C1QTNF3: variants seen among roughly 807,000 people sequenced by gnomAD.
The protein encoded by C1QTNF3 is complement C1q tumor necrosis factor-related protein 3.
C1QTNF3 carries 26 observed loss-of-function variants against 32.6 expected under a neutral mutation model. The ratio of observed to expected loss-of-function variants is 0.80; its 90% CI spans 0.58 to 1.11. The LOEUF (loss-of-function observed/expected upper bound fraction) is 1.11, where lower values mean the gene tolerates loss of function less well. Among genes scored for constraint, C1QTNF3 ranks in the 50% least tolerant of loss-of-function variants. The probability of loss-of-function intolerance (pLI) is 0.00; values close to 1 mark genes in which losing one functional copy is unlikely to be tolerated. For missense variants in C1QTNF3, 362 were observed against 398.2 expected (o/e 0.91, Z 0.77); for synonymous variants, 155 against 146.0 (o/e 1.06, Z -0.44).
At chr5:34,120,973 C>G in the C1QTNF3 span, among the ~76,000 whole-genome samples, 1 of 152,194 alleles carries the variant, frequency 6.6e-6, no homozygotes, top group African/African-American at 2.4e-5. Flanking sequence ...AAATCCTTGT[C>G]TCCCCTCAAT....
At chr5:34,220,709 T>C in the C1QTNF3 span, among the ~76,000 whole-genome samples, 35 of 152,108 alleles carry the variant, frequency 2.3e-4, no homozygotes, top group African/African-American at 8.2e-4. Context: ...CCAATAAATA[T>C]ATATGATGTT....
chr5:34,178,151 C>T, the C1QTNF3 span, among the ~76,000 whole-genome samples: 1 of 145,556 alleles, frequency 6.9e-6, no homozygotes, highest in Non-Finnish European at 1.5e-5. Flanking sequence ...CATGGTGGTG[C>T]ATGCCTGTAA....
chr5:34,057,602 T>A, the C1QTNF3 span, among the ~76,000 whole-genome samples: 1 of 152,238 alleles, frequency 6.6e-6, no homozygotes, highest in Non-Finnish European at 1.5e-5. Context: ...TCAAAAAATA[T>A]GGACCTTTCA....
the C1QTNF3 span, among the ~76,000 whole-genome samples, chr5:34,223,263 T>C: frequency 1.3e-5 from 2 of 149,752 alleles, no homozygotes; most frequent in Non-Finnish European, 3.0e-5. Flanking sequence ...AGTGAGAACA[T>C]GCAGTCTTAG....
At chr5:34,025,252 A>C (rs1754432002) in intron 4 of C1QTNF3, among the ~76,000 whole-genome samples, 1 of 152,224 alleles carries the variant, frequency 6.6e-6, no homozygotes, top group South Asian at 2.1e-4. Flanking sequence ...ACATTTTACA[A>C]AATTTCCTAT....
chr5:34,020,675 C>T lies in C1QTNF3; in HGVS notation c.868G>A (p.Glu290Lys). Residue 290 changes from glutamate (E) to lysine (K), a missense_variant, in exon 6 of 6, where the codon GAG (glutamate) becomes AAG (lysine). Glu to Lys is a moderately conservative substitution (Grantham distance 56, BLOSUM62 1). Coordinates refer to ENST00000382065, the MANE Select transcript of C1QTNF3 (RefSeq NM_181435.6). ...CCATTGCCCATTCGCAGCCAAACCT[C>T]ATCCCCTTTGGCTAGCTTCAGCACA... ...HAVLKLAKGDEVWLRMGNGAL... is the reference protein window; with the variant it reads ...HAVLKLAKGDKVWLRMGNGAL... The T allele has an allele frequency of 6.2e-7, 1 of 1,614,198 alleles. No homozygotes were observed. Among genetic ancestry groups the T allele is most frequent in the Non-Finnish European group, 8.5e-7 (1 of 1,180,014 alleles).
At chr5:34,181,839 A>G in the C1QTNF3 span, among the ~76,000 whole-genome samples, 3,334 of 131,778 alleles carry the variant, frequency 0.025, no homozygotes, top group South Asian at 0.063. Context: ...AGCAGCAATC[A>G]GAGGCTCTGC....
chr5:34,056,475 TATATAGAGAGAGAGAGAGAGAG>T, the C1QTNF3 span, among the ~76,000 whole-genome samples: 5 of 101,262 alleles, frequency 4.9e-5, no homozygotes, highest in African/African-American at 2.0e-4. Context: ...TATATATATA[TATATAGAGAGAGAGAGAGAGAG>T]AGAGAGAGAG....
chr5:34,088,843 T>G, the C1QTNF3 span, among the ~76,000 whole-genome samples: 84 of 152,252 alleles, frequency 5.5e-4, no homozygotes, highest in African/African-American at 1.9e-3. Flanking sequence ...TTTCTTCATA[T>G]ACTAAATGTA....
chr5:34,164,329 G>A, the C1QTNF3 span, among the ~76,000 whole-genome samples: 1 of 152,112 alleles, frequency 6.6e-6, no homozygotes, highest in Non-Finnish European at 1.5e-5. Context: ...CAATAATGTG[G>A]CTCTTCCTAC....
the C1QTNF3 span, among the ~76,000 whole-genome samples, chr5:34,157,583 G>C: frequency 6.6e-6 from 1 of 152,276 alleles, no homozygotes; most frequent in African/African-American, 2.4e-5. Context: ...TAGTCCATGG[G>C]TTCTTAAAAG....
chr5:34,033,326 G>A lies in C1QTNF3; in HGVS notation c.548C>T (p.Pro183Leu), dbSNP rs772400068. Residue 183 changes from proline to leucine, a missense_variant, in exon 3 of 6, where the codon CCG becomes CTG. Pro to Leu is a moderately conservative substitution (Grantham distance 98). Coordinates refer to ENST00000382065, the MANE Select transcript of C1QTNF3 (RefSeq NM_181435.6). ...QHGPKGEKGYPGIPPELQIAF... is the reference protein window; with the variant it reads ...QHGPKGEKGYLGIPPELQIAF... ...TACCTGAAGTTCTGGTGGAATCCCCGGGTAGCCCTTCTCTCCTTTGGGGCC... is the reference window on the plus strand; with the variant it reads ...TACCTGAAGTTCTGGTGGAATCCCCAGGTAGCCCTTCTCTCCTTTGGGGCC... 15 of 1,613,616 alleles carry A rather than the reference G, an allele frequency of 9.3e-6. No individual in the cohort carries two copies. Among genetic ancestry groups the A allele is most frequent in the Middle Eastern group, 1.7e-4 (1 of 6,056 alleles).
At chr5:34,139,695 T>C in the C1QTNF3 span, among the ~76,000 whole-genome samples, 1 of 152,096 alleles carries the variant, frequency 6.6e-6, no homozygotes, top group Non-Finnish European at 1.5e-5. Flanking sequence ...AGTTAAAGAG[T>C]ACAATAAACT....
the C1QTNF3 span, among the ~76,000 whole-genome samples, chr5:34,069,707 G>T: frequency 6.6e-6 from 1 of 152,140 alleles, no homozygotes; most frequent in African/African-American, 2.4e-5. Context: ...AATGTGTGAG[G>T]TTATATCATT....
chr5:34,075,146 G>A, the C1QTNF3 span, among the ~76,000 whole-genome samples: 3,660 of 151,704 alleles, frequency 0.024, 304 homozygotes, highest in African/African-American at 0.086. Context: ...CATTATATCA[G>A]CCTTTTAAAC....
the C1QTNF3 span, among the ~76,000 whole-genome samples, chr5:34,056,233 A>T: frequency 6.6e-6 from 1 of 151,984 alleles, no homozygotes; most frequent in Admixed American, 6.6e-5. Flanking sequence ...GGGAAGGGAA[A>T]AAAAGGGGAG....
chr5:34,230,629 A>C, the C1QTNF3 span, among the ~76,000 whole-genome samples: 1 of 152,222 alleles, frequency 6.6e-6, no homozygotes, highest in African/African-American at 2.4e-5. Context: ...ATTCAGCTTT[A>C]CATTTTTTAA....
the C1QTNF3 span, among the ~76,000 whole-genome samples, chr5:34,225,588 C>T: frequency 6.6e-6 from 1 of 151,942 alleles, no homozygotes; most frequent in Non-Finnish European, 1.5e-5. Flanking sequence ...CAATTGACCC[C>T]TCTGTACCTC....
chr5:34,158,221 C>G, the C1QTNF3 span: 1 of 152,386 alleles, frequency 6.6e-6, no homozygotes, highest in Non-Finnish European at 1.5e-5. Flanking sequence ...ATTCTCCTGC[C>G]TCAGCCTCCC....
Sources: allele counts gnomAD v4.1 joint callset (sites outside exome capture counted in the v4.1 genomes callset), GRCh38; gene constraint gnomAD v4.1.1; transcripts MANE v1.5; gene names NCBI Gene and HGNC (gene_info 2026-07-23, HGNC 2026-07-21).